CCDC13: variants seen among roughly 807,000 people sequenced by gnomAD.
CCDC13 encodes the protein coiled-coil domain-containing protein 13.
In CCDC13, 70 loss-of-function variants were observed where a neutral mutation model predicts 87.3. That is an observed-to-expected ratio of 0.80 (90% CI 0.66 to 0.98). The LOEUF is 0.98. Among genes scored for constraint, CCDC13 ranks in the 50% least tolerant of loss-of-function variants. The pLI is 0.00. For synonymous variants in CCDC13, 317 were observed against 360.3 expected, an observed-to-expected ratio of 0.88 and a Z score of 1.36; for missense variants, 842 against 892.0, an observed-to-expected ratio of 0.94 and a Z score of 0.71.
intron 13 of CCDC13, 73 bp from the exon 14 acceptor site, chr3:42,713,389 C>T (rs564373890): frequency 1.0e-5 from 15 of 1,498,372 alleles, no homozygotes; most frequent in Non-Finnish European, 1.3e-5. Flanking sequence ...TTGCTCAGGC[C>T]CTTAGAGAGA....
intron 6 of CCDC13, 146 bp downstream of exon 6, chr3:42,747,111 T>C (rs1160126101): frequency 1.3e-6 from 1 of 777,250 alleles, no homozygotes. Context: ...GAGGAAGGAC[T>C]GGAACTGGAG....
intron 1 of CCDC13, among the ~76,000 whole-genome samples, chr3:42,758,836 C>T (rs959318813): frequency 2.0e-5 from 3 of 152,164 alleles, no homozygotes; most frequent in South Asian, 2.1e-4. Flanking sequence ...TGAATCTTTC[C>T]ATAGACATAT....
At position 42,705,865 on chromosome 3, in the gene CCDC13, G is replaced by A. The variant is rs1698165652; in HGVS notation, c.*3115C>T. 6.6e-6 allele frequency among the ~76,000 whole-genome samples: 1 copy of A among 152,120 alleles called. No homozygotes were observed. Among genetic ancestry groups the A allele is most frequent in the Admixed American group, 6.5e-5 (1 of 15,290 alleles). On this transcript the variant is annotated 3_prime_UTR_variant, in exon 16 of 16. Coordinates refer to ENST00000310232, the MANE Select transcript of CCDC13 (RefSeq NM_144719.4). ...CCTTCCCTTGAAAATCCTTCTCCCAGGCTCTCCCCACCTTCCCTTTACTCC... is the reference window on the plus strand; with the variant it reads ...CCTTCCCTTGAAAATCCTTCTCCCAAGCTCTCCCCACCTTCCCTTTACTCC...
At position 42,706,367 on chromosome 3, in the gene CCDC13, A is replaced by G. The variant is rs944633145; in HGVS notation, c.*2613T>C. The G allele has an allele frequency of 5.9e-5, 9 of 152,258 alleles. No individual in the cohort carries two copies. The highest frequency in any genetic ancestry group is 1.2e-4 in the Non-Finnish European group (8 of 68,056). 9.4% of individuals were successfully genotyped at this position (152,258 alleles called of 1,614,324 possible). ...GGAACACTAAGAGCGAATAATTATT[A>G]AGCGCTTACTGTGTGCGAGCAGCTG... On this transcript the variant is annotated 3_prime_UTR_variant, in exon 16 of 16. Transcript: ENST00000310232.
At chr3:42,766,292 T>G (rs1291039312) in intron 1 of CCDC13, among the ~76,000 whole-genome samples, 1 of 151,880 alleles carries the variant, frequency 6.6e-6, no homozygotes, top group Non-Finnish European at 1.5e-5. Flanking sequence ...AGCTGGAGCC[T>G]CAGGTAGTTG....
chr3:42,724,122 T>G (rs1476397862), intron 13 of CCDC13, among the ~76,000 whole-genome samples: 2 of 152,230 alleles, frequency 1.3e-5, no homozygotes, highest in Non-Finnish European at 2.9e-5. Flanking sequence ...TTTAACTCCA[T>G]TTATAATAGG....
chr3:42,730,403 G>A, intron 13 of CCDC13, 64 bp downstream of exon 13: 1 of 1,581,778 alleles, frequency 6.3e-7, no homozygotes, highest in Non-Finnish European at 8.6e-7. Flanking sequence ...TCATAAATGA[G>A]GCCTGGCCCC....
intron 1 of CCDC13, among the ~76,000 whole-genome samples, chr3:42,771,508 A>G (rs1207173458): frequency 1.3e-5 from 2 of 152,082 alleles, no homozygotes; most frequent in African/African-American, 4.8e-5. Flanking sequence ...TAATCTCAAC[A>G]CTCTACGAAG....
chr3:42,712,994 C>G (rs1262616463), intron 14 of CCDC13, among the ~76,000 whole-genome samples, 168 bp downstream of exon 14: 2 of 152,234 alleles, frequency 1.3e-5, no homozygotes, highest in East Asian at 1.9e-4. Flanking sequence ...GACTGAGAGG[C>G]CTGGGGAAAA....
intron 1 of CCDC13, among the ~76,000 whole-genome samples, chr3:42,760,688 G>A (rs1371845787): frequency 2.0e-5 from 3 of 152,128 alleles, no homozygotes; most frequent in Admixed American, 6.6e-5. Flanking sequence ...CAGCCTGGCC[G>A]AGGTTGCAGT....
intron 13 of CCDC13, among the ~76,000 whole-genome samples, chr3:42,730,231 A>T (rs1183932664): frequency 6.6e-6 from 1 of 152,088 alleles, no homozygotes; most frequent in Non-Finnish European, 1.5e-5. Flanking sequence ...CAATGTCCAC[A>T]TGCCATACAA....
At chr3:42,735,577 C>T in intron 10 of CCDC13, 130 bp downstream of exon 10, 1 of 879,544 alleles carries the variant, frequency 1.1e-6, no homozygotes, top group Non-Finnish European at 1.8e-6. Flanking sequence ...CAGATAGAAG[C>T]AGGTGGCCAA....
intron 3 of CCDC13, among the ~76,000 whole-genome samples, chr3:42,753,643 T>C (rs919166490): frequency 7.9e-5 from 12 of 152,020 alleles, no homozygotes; most frequent in Non-Finnish European, 1.6e-4. Flanking sequence ...ACGAGGGAGA[T>C]GATGCTATTT....
chr3:42,758,860 C>G (rs889720201), intron 1 of CCDC13, among the ~76,000 whole-genome samples: 1 of 152,084 alleles, frequency 6.6e-6, no homozygotes. Flanking sequence ...TCTGTGGTGA[C>G]CACCCAGATC....
chr3:42,738,919 C>A (rs1424372190), intron 9 of CCDC13, among the ~76,000 whole-genome samples: 1 of 144,308 alleles, frequency 6.9e-6, no homozygotes, highest in Non-Finnish European at 1.5e-5. Context: ...CTTGCCTGAT[C>A]GCCCTGGCCA....
In CCDC13 at chr3:42,709,139, C is replaced by G. The variant is rs769351825; in HGVS notation, c.1989G>C (p.Arg663Ser). 1.1e-5 allele frequency: 18 copies of G among 1,609,076 alleles called. No individual in the cohort carries two copies. In the African/African-American group the frequency reaches 1.7e-4, roughly 16 times the overall value. Residue 663 changes from arginine to serine, a missense_variant and splice_region_variant, in exon 16 of 16, where the codon AGG becomes AGC. Physicochemically the swap from Arg to Ser is moderately radical, Grantham distance 110. Coordinates refer to ENST00000310232, the MANE Select transcript of CCDC13 (RefSeq NM_144719.4). ...CATTCTCCTCCACCTGGATGGCCAG[C>G]CTGGACCACAGGAGACAGTGCTCAG... ...VESQMEELTT[R>S]LAIQVEENEM...
intron 14 of CCDC13, 142 bp from the exon 15 acceptor site, chr3:42,709,940 G>A: frequency 1.5e-6 from 1 of 650,496 alleles, no homozygotes; most frequent in Admixed American, 2.3e-5. Flanking sequence ...GCAACTCTGA[G>A]CTCTGCCTCC....
chr3:42,763,503 C>CTTTTT (rs765712843), intron 1 of CCDC13, among the ~76,000 whole-genome samples: 3 of 130,030 alleles, frequency 2.3e-5, no homozygotes, highest in African/African-American at 5.7e-5. Context: ...AAGAGATGTA[C>CTTTTT]TTTTTTTTTT....
chr3:42,740,170 GGAAAAGA>G (rs2125891626), intron 8 of CCDC13, among the ~76,000 whole-genome samples: 1 of 152,246 alleles, frequency 6.6e-6, no homozygotes, highest in Admixed American at 6.5e-5. Flanking sequence ...CCCAAGCAGG[GGAAAAGA>G]GAAAAGCCAT....
Sources: gnomAD v4.1 joint callset for allele counts (sites outside exome capture counted in the v4.1 genomes callset) on GRCh38, gnomAD v4.1.1 for gene constraint, MANE v1.5 for transcripts, NCBI Gene and HGNC (gene_info 2026-07-23, HGNC 2026-07-21) for gene names.